The following KCNK17 variants were observed in gnomAD, a reference collection of about 807,000 sequenced individuals.
KCNK17 encodes potassium channel subfamily K member 17.
Under a neutral mutation model 24.6 loss-of-function variants are expected in KCNK17, and 27 were observed. That is an observed-to-expected ratio of 1.10 (90% CI 0.81 to 1.51). KCNK17 has a LOEUF of 1.51. Ranked by LOEUF, KCNK17 falls within the 40% of genes most tolerant of loss-of-function variation. KCNK17 has a pLI of 0.00. For missense variants in KCNK17, 450 were observed against 436.6 expected, an observed-to-expected ratio of 1.03 and a Z score of -0.27; for synonymous variants, 181 against 189.8, an observed-to-expected ratio of 0.95 and a Z score of 0.38.
At chr6:39,307,865 A>C (rs2113838460) in intron 2 of KCNK17, among the ~76,000 whole-genome samples, 1 of 151,848 alleles carries the variant, frequency 6.6e-6, no homozygotes, top group South Asian at 2.1e-4. Context: ...AACCCTCTCC[A>C]CCTACCTGGA....
Position 39,299,672 on chromosome 6 carries a change from C to CAAAGAA in KCNK17, c.753_754insTTCTTT (p.Phe251_Gly252insPhePhe), listed in dbSNP as rs751720227. The stretch of plus-strand genomic sequence containing the variant: ...ATGATCAAGGCCAGCCATGCCATCC[C>CAAAGAA]AAAGAGGATCCACAGGGACACCATG... On this transcript the variant is annotated inframe_insertion, in exon 5 of 5. Transcript: ENST00000373231. 2.5e-6 allele frequency: 4 copies of CAAAGAA among 1,614,158 alleles called. No individual in the cohort carries two copies. The East Asian group carries it at 8.9e-5, about 36-fold the overall frequency.
At position 39,308,579 on chromosome 6, in the gene KCNK17, C is replaced by T. The variant is rs570566097; in HGVS notation, c.352+2314G>A. On this transcript the variant is annotated intron_variant, in intron 2 of 4. Coordinates refer to ENST00000373231, the MANE Select transcript of KCNK17 (RefSeq NM_031460.4). Reference sequence around the variant, plus strand: ...ATGCTGGGATTATAGGCAAGAGCCACCATGCCCAGCCTTCAATTTATTTGT... The same window carrying T: ...ATGCTGGGATTATAGGCAAGAGCCATCATGCCCAGCCTTCAATTTATTTGT... Among the ~76,000 whole-genome samples the T allele has an allele frequency of 2.8e-3, 426 of 152,336 alleles. 4 individuals are homozygous for T. The highest frequency in any genetic ancestry group is 3.5e-3 in the African/African-American group (145 of 41,574).
Position 39,314,213 on chromosome 6 carries a change from GC to G in KCNK17, c.107del (p.Gly36AlafsTer42). 1 of 1,543,972 alleles carries G rather than the reference GC, an allele frequency of 6.5e-7. No individual in the cohort carries two copies. On this transcript the variant is annotated frameshift_variant, in exon 1 of 5. Coordinates refer to ENST00000373231, the MANE Select transcript of KCNK17 (RefSeq NM_031460.4). LOFTEE classifies it high-confidence loss of function. ...LLAYLAYLAL[G>X]TGVFWTLEGR... ...CCTCCAGCGTCCAGAACACGCCGGT[GC>G]CCAGCGCCAGGTAAGCCAGGTAGGC...
At chr6:39,301,823 T>C (rs1320936229) in intron 4 of KCNK17, among the ~76,000 whole-genome samples, 1 of 152,140 alleles carries the variant, frequency 6.6e-6, no homozygotes, top group Non-Finnish European at 1.5e-5. Flanking sequence ...TGGCTGCTGA[T>C]GCAGGGATGT....
rs561110333 is a variant in KCNK17 at position 39,304,301 on chromosome 6, GC to G, written c.514-171del. The G allele has an allele frequency of 2.7e-3, 2,108 of 785,294 alleles. 17 individuals carry two copies. Among genetic ancestry groups the G allele is most frequent in the South Asian group, 0.011 (613 of 57,006 alleles). 48.6% of individuals were successfully genotyped at this position (785,294 alleles called of 1,614,324 possible). On this transcript the variant is annotated intron_variant, in intron 3 of 4. Transcript: ENST00000373231. ...CCTGTGCCTCATGTCCTTCCTGTCT[GC>G]CCAGTCCCACCCCATCTCCACCATT...
At chr6:39,309,045 G>C (rs11962177) in intron 2 of KCNK17, among the ~76,000 whole-genome samples, 167 of 152,354 alleles carry the variant, frequency 1.1e-3, no homozygotes, top group Middle Eastern at 6.8e-3. Flanking sequence ...ATGAAAATAG[G>C]CTGGACACAG....
intron 2 of KCNK17, among the ~76,000 whole-genome samples, chr6:39,309,762 A>T (rs1762098357): frequency 6.6e-6 from 1 of 152,166 alleles, no homozygotes; most frequent in Non-Finnish European, 1.5e-5. Context: ...ATTTAATGGA[A>T]TTCCTTAACG....
intron 4 of KCNK17, among the ~76,000 whole-genome samples, chr6:39,302,525 T>C (rs1761965073): frequency 6.6e-6 from 1 of 152,182 alleles, no homozygotes; most frequent in African/African-American, 2.4e-5. Flanking sequence ...AGTCCCTGGG[T>C]GCCATCCTTA....
At chr6:39,308,582 T>C (rs1334554265) in intron 2 of KCNK17, among the ~76,000 whole-genome samples, 1 of 152,234 alleles carries the variant, frequency 6.6e-6, no homozygotes, top group Non-Finnish European at 1.5e-5. Context: ...AGAGCCACCA[T>C]GCCCAGCCTT....
rs1761915632 is a variant in KCNK17 at position 39,299,613 on chromosome 6, C to T, written c.813G>A (p.Gly271=). The part of the protein sequence containing the change: ...KLILSQLETP[G]RVCSCCHHSS... ...TGTGGTGGCAGCAGGAACATACCCT[C>T]CCTGGCGTCTCCAGCTGGGAGAGGA... The change falls in exon 5 of 5, where the codon GGG becomes GGA. Residue 271 remains glycine, a synonymous_variant. Coordinates refer to ENST00000373231, the MANE Select transcript of KCNK17 (RefSeq NM_031460.4). The T allele has an allele frequency of 6.2e-7, 1 of 1,614,060 alleles. No homozygotes were observed. The highest frequency in any genetic ancestry group is 1.1e-5 in the South Asian group (1 of 91,086).
intron 1 of KCNK17, 104 bp from the exon 2 acceptor site, chr6:39,311,111 C>T (rs577902796): frequency 7.0e-5 from 39 of 559,010 alleles, no homozygotes; most frequent in African/African-American, 1.6e-4. Context: ...CACACACACA[C>T]ACACACACAA....
chr6:39,307,270 T>C (rs1392759327), intron 2 of KCNK17, among the ~76,000 whole-genome samples: 2 of 152,140 alleles, frequency 1.3e-5, no homozygotes, highest in Non-Finnish European at 2.9e-5. Context: ...TAAATGTTTG[T>C]TGAATAAATG....
At chr6:39,311,071 TGCACACACACACACACACACAC>T in intron 1 of KCNK17, 64 bp from the exon 2 acceptor site, 2 of 662,586 alleles carry the variant, frequency 3.0e-6, no homozygotes, top group Non-Finnish European at 5.3e-6. Context: ...TACCCCAAGA[TGCACACACACACACACACACAC>T]ACACACACAC....
intron 4 of KCNK17, among the ~76,000 whole-genome samples, chr6:39,303,726 C>T (rs1223741998): frequency 2.0e-5 from 3 of 152,188 alleles, no homozygotes; most frequent in Non-Finnish European, 4.4e-5. Flanking sequence ...GAGCTCTAAG[C>T]ACAATAGGTG....
At chr6:39,310,840 G>T in intron 2 of KCNK17, 53 bp downstream of exon 2, 2 of 1,262,168 alleles carry the variant, frequency 1.6e-6, no homozygotes, top group South Asian at 2.9e-5. Flanking sequence ...TTGCCTCTCA[G>T]GGAGCTGCCT....
At chr6:39,310,789 C>T (rs1273975410) in intron 2 of KCNK17, 104 bp downstream of exon 2, 2 of 716,880 alleles carry the variant, frequency 2.8e-6, no homozygotes, top group Non-Finnish European at 4.6e-6. Flanking sequence ...CACTTGGAGT[C>T]ATGAGACTCC....
chr6:39,303,437 G>C (rs1761977642), intron 4 of KCNK17, among the ~76,000 whole-genome samples: 1 of 152,228 alleles, frequency 6.6e-6, no homozygotes, highest in African/African-American at 2.4e-5. Context: ...CCTAGGTTGG[G>C]TTGTGCCACT....
At chr6:39,309,821 C>T (rs987862579) in intron 2 of KCNK17, among the ~76,000 whole-genome samples, 1 of 152,072 alleles carries the variant, frequency 6.6e-6, no homozygotes, top group African/African-American at 2.4e-5. Context: ...TGTAATAGAC[C>T]CTTGGGGATG....
chr6:39,299,320 G>T lies in KCNK17; in HGVS notation c.*107C>A. ...AGAATTAATCATATAGCTGCACCCA[G>T]CCTCTAGGGTGGATGGAAAATGTAG... On this transcript the variant is annotated 3_prime_UTR_variant, in exon 5 of 5. Transcript: ENST00000373231. 1.2e-6 allele frequency: 1 copy of T among 810,988 alleles called. No individual in the cohort carries two copies. The highest frequency in any genetic ancestry group is 1.9e-6 in the Non-Finnish European group (1 of 514,210). The allele number at this position is 810,988 out of a possible 1,614,324, so 50.2% of individuals were successfully genotyped here. A position where few individuals can be genotyped will look rare whatever the true frequency, so the allele number is the denominator to read the frequency against.
Sources: allele counts gnomAD v4.1 joint callset (sites outside exome capture counted in the v4.1 genomes callset), GRCh38; gene constraint gnomAD v4.1.1; transcripts MANE v1.5; gene names NCBI Gene and HGNC (gene_info 2026-07-23, HGNC 2026-07-21).